RFTN2: variants seen among roughly 807,000 people sequenced by gnomAD.
RFTN2 encodes raftlin-2.
A neutral mutation model predicts 52.7 loss-of-function variants in RFTN2; 34 were observed. That is an observed-to-expected ratio of 0.64 (90% CI 0.49 to 0.86). The LOEUF is 0.86. Among genes scored for constraint, RFTN2 ranks in the 40% least tolerant of loss-of-function variants. The pLI is 0.00. For synonymous variants in RFTN2, 203 were observed against 217.7 expected, an observed-to-expected ratio of 0.93 and a Z score of 0.59; for missense variants, 536 against 600.1, an observed-to-expected ratio of 0.89 and a Z score of 1.12.
At chr2:197,590,753 T>G (rs2087694555) in intron 8 of RFTN2, among the ~76,000 whole-genome samples, 4 of 152,108 alleles carry the variant, frequency 2.6e-5, no homozygotes, top group Admixed American at 6.5e-5. Context: ...GTGTTACAGC[T>G]CTTAACGTGG....
chr2:197,574,947 T>A (rs1480423009), intron 8 of RFTN2, among the ~76,000 whole-genome samples: 1 of 152,134 alleles, frequency 6.6e-6, no homozygotes, highest in East Asian at 1.9e-4. Context: ...GGTTTTGAAA[T>A]GTGAGGACAT....
intron 7 of RFTN2, among the ~76,000 whole-genome samples, chr2:197,605,462 G>A (rs572186979): frequency 2.3e-4 from 35 of 152,040 alleles, no homozygotes; most frequent in South Asian, 1.7e-3. Flanking sequence ...TGATCCGCCC[G>A]CCTTGGCCTC....
At chr2:197,656,128 C>A (rs1333308501) in intron 1 of RFTN2, among the ~76,000 whole-genome samples, 1 of 152,168 alleles carries the variant, frequency 6.6e-6, no homozygotes, top group Non-Finnish European at 1.5e-5. Context: ...TCTGCCACAC[C>A]TAGTAAGGTA....
chr2:197,646,362 G>A (rs16866970), intron 2 of RFTN2, 121 bp downstream of exon 2: 316,233 of 676,224 alleles, frequency 0.47, 76,732 homozygotes, highest in Middle Eastern at 0.59. Context: ...GCTGGAAAAT[G>A]TGCTTTAAAC....
intron 1 of RFTN2, among the ~76,000 whole-genome samples, chr2:197,674,250 AGTTT>A (rs973217343): frequency 7.3e-6 from 1 of 136,374 alleles, no homozygotes; most frequent in Non-Finnish European, 1.5e-5. Context: ...CCTGGAAGGG[AGTTT>A]GTTTGCTGGC....
rs528329096 is a variant in RFTN2 at position 197,622,504 on chromosome 2, C to T, written c.929-4583G>A. ...TATTTTTAGTAGAGGCGGGGTTTCA[C>T]CATTTTAGCCAGGCTGATCTCGAAC... On this transcript the variant is annotated intron_variant, in intron 5 of 8. Coordinates refer to ENST00000295049, the MANE Select transcript of RFTN2 (RefSeq NM_144629.3). 4.9e-4 allele frequency among the ~76,000 whole-genome samples: 74 copies of T among 152,258 alleles called. No individual in the cohort carries two copies. The South Asian group carries it at 5.4e-3, about 11-fold the overall frequency.
chr2:197,640,597 G>A (rs1457820573), intron 3 of RFTN2, among the ~76,000 whole-genome samples: 2 of 151,886 alleles, frequency 1.3e-5, no homozygotes, highest in Non-Finnish European at 1.5e-5. Flanking sequence ...TTCGGCTCGC[G>A]CACGGTGCGC....
intron 5 of RFTN2, among the ~76,000 whole-genome samples, chr2:197,626,109 A>T (rs887151557): frequency 6.6e-6 from 1 of 152,194 alleles, no homozygotes; most frequent in Non-Finnish European, 1.5e-5. Flanking sequence ...TAAAAATTGC[A>T]AATGAGATTA....
rs1480781949 is a variant in RFTN2, at chr2:197,578,237, C to T, written c.1234-5957G>A. Among the ~76,000 whole-genome samples the T allele has an allele frequency of 2.0e-5, 3 of 152,222 alleles. No homozygotes were observed. In the East Asian group the frequency reaches 5.8e-4, roughly 29 times the overall value. ...TTCTTAATAAAAATGGGATGCTCTT[C>T]AGAATAATAAGACATTCATAGTAAT... On this transcript the variant is annotated intron_variant, in intron 8 of 8. Coordinates refer to ENST00000295049, the MANE Select transcript of RFTN2 (RefSeq NM_144629.3).
intron 2 of RFTN2, among the ~76,000 whole-genome samples, chr2:197,645,535 A>G (rs889717485): frequency 1.3e-5 from 2 of 152,266 alleles, no homozygotes; most frequent in African/African-American, 4.8e-5. Context: ...TGGAAAGAAC[A>G]ACAGTATTTT....
At chr2:197,647,947 A>G (rs542320714) in intron 1 of RFTN2, among the ~76,000 whole-genome samples, 5 of 152,380 alleles carry the variant, frequency 3.3e-5, no homozygotes, top group African/African-American at 9.6e-5. Context: ...TTTATTTGCT[A>G]CAACAATATT....
chr2:197,572,521 G>C (rs930165912), intron 8 of RFTN2, among the ~76,000 whole-genome samples: 1 of 152,168 alleles, frequency 6.6e-6, no homozygotes, highest in African/African-American at 2.4e-5. Flanking sequence ...CATCATTCTT[G>C]TTGATGGGTA....
intron 5 of RFTN2, among the ~76,000 whole-genome samples, chr2:197,619,163 T>G: frequency 6.8e-6 from 1 of 147,712 alleles, no homozygotes; most frequent in African/African-American, 2.5e-5. Context: ...ATCCGGGAGG[T>G]GAGGGGCGCC....
At chr2:197,628,267 G>A (rs556316054) in intron 5 of RFTN2, among the ~76,000 whole-genome samples, 1 of 152,170 alleles carries the variant, frequency 6.6e-6, no homozygotes, top group South Asian at 2.1e-4. Context: ...CTTGTGAGGG[G>A]CTTGCCATAG....
intron 7 of RFTN2, among the ~76,000 whole-genome samples, chr2:197,613,836 A>G (rs1453619698): frequency 6.6e-6 from 1 of 152,232 alleles, no homozygotes; most frequent in Admixed American, 6.5e-5. Context: ...AAGAGTAGAC[A>G]TTGAGAGTTG....
chr2:197,581,087 C>G (rs1465449420), intron 8 of RFTN2, among the ~76,000 whole-genome samples: 1 of 152,184 alleles, frequency 6.6e-6, no homozygotes, highest in African/African-American at 2.4e-5. Flanking sequence ...TCACCCTTAC[C>G]CTGCTCAATG....
chr2:197,653,987 TTTATC>T (rs1466198037), intron 1 of RFTN2, among the ~76,000 whole-genome samples: 1 of 152,246 alleles, frequency 6.6e-6, no homozygotes, highest in Non-Finnish European at 1.5e-5. Flanking sequence ...ACCAGGATCA[TTTATC>T]TTAAGTAGAA....
chr2:197,610,583 T>G (rs2088040150), intron 7 of RFTN2, among the ~76,000 whole-genome samples: 1 of 152,230 alleles, frequency 6.6e-6, no homozygotes, highest in South Asian at 2.1e-4. Context: ...CCTCCTCATT[T>G]CCTAATTGAA....
chr2:197,619,270 T>G (rs1274878421), intron 5 of RFTN2, among the ~76,000 whole-genome samples: 4 of 151,894 alleles, frequency 2.6e-5, no homozygotes, highest in Non-Finnish European at 4.4e-5. Context: ...GAACGGGCCA[T>G]GATGACAATG....
Sources: allele counts gnomAD v4.1 joint callset (sites outside exome capture counted in the v4.1 genomes callset), GRCh38; gene constraint gnomAD v4.1.1; transcripts MANE v1.5; gene names NCBI Gene and HGNC (gene_info 2026-07-23, HGNC 2026-07-21).